Variants in ACSS3 observed in about 807,000 individuals in gnomAD.
ACSS3 encodes the protein acyl-CoA synthetase short-chain family member 3, mitochondrial.
In ACSS3, 64 loss-of-function variants were observed where a neutral mutation model predicts 84.2. The observed-to-expected ratio is 0.76, with a 90% CI of 0.62 to 0.94. The LOEUF (loss-of-function observed/expected upper bound fraction) is 0.94. Among genes scored for constraint, ACSS3 ranks in the 40% least tolerant of loss-of-function variants. The pLI is 0.00. For missense variants in ACSS3, 815 were observed against 867.6 expected, an observed-to-expected ratio of 0.94 and a Z score of 0.76; for synonymous variants, 317 against 310.1, an observed-to-expected ratio of 1.02 and a Z score of -0.23.
intron 9 of ACSS3, among the ~76,000 whole-genome samples, chr12:81,200,761 C>T (rs994928371): frequency 6.6e-5 from 10 of 151,270 alleles, no homozygotes; most frequent in African/African-American, 2.2e-4. Context: ...ATTAGCCAGG[C>T]GTGATGGAGC....
intron 7 of ACSS3, among the ~76,000 whole-genome samples, chr12:81,169,286 T>C (rs2135804822): frequency 6.6e-6 from 1 of 152,310 alleles, no homozygotes; most frequent in South Asian, 2.1e-4. Context: ...AAGTAAATTT[T>C]CAATTATTAA....
At chr12:81,102,045 G>T (rs566021503) in intron 1 of ACSS3, among the ~76,000 whole-genome samples, 180 of 149,180 alleles carry the variant, frequency 1.2e-3, no homozygotes, top group African/African-American at 4.2e-3. Context: ...TTATGCACAC[G>T]CACACACACA....
At position 81,259,422 on chromosome 12, in the gene ACSS3, G is replaced by T; in HGVS notation, c.*4500G>T. 1.5e-6 allele frequency: 1 copy of T among 659,250 alleles called. No homozygotes were observed. The highest frequency in any genetic ancestry group is 2.7e-6 in the Non-Finnish European group (1 of 365,910). 40.8% of individuals were successfully genotyped at this position (659,250 alleles called of 1,614,324 possible). A position where few individuals can be genotyped will look rare whatever the true frequency, so the allele number is the denominator to read the frequency against. ...CTGGCTTCATTTCATAAAAGCATCT[G>T]TTGTACAGAGTTTATGATGTAGATG... On this transcript the variant is annotated 3_prime_UTR_variant, in exon 16 of 16. Coordinates refer to ENST00000548058, the MANE Select transcript of ACSS3 (RefSeq NM_024560.4).
chr12:81,253,225 ATATCTG>A, intron 13 of ACSS3, 76 bp from the exon 14 acceptor site: 1 of 1,398,430 alleles, frequency 7.2e-7, no homozygotes, highest in South Asian at 1.2e-5. Context: ...TTGTATATCT[ATATCTG>A]TATCTATATC....
chr12:81,164,410 CTCA>C (rs1342929772), intron 7 of ACSS3, among the ~76,000 whole-genome samples: 7 of 152,072 alleles, frequency 4.6e-5, no homozygotes, highest in African/African-American at 1.7e-4. Flanking sequence ...AGAAAGTATT[CTCA>C]TCATCAAGCA....
intron 7 of ACSS3, among the ~76,000 whole-genome samples, chr12:81,160,988 A>T (rs1887120037): frequency 6.6e-6 from 1 of 152,256 alleles, no homozygotes; most frequent in Admixed American, 6.5e-5. Flanking sequence ...TTCCCACGAT[A>T]TAATAGTGTA....
intron 7 of ACSS3, among the ~76,000 whole-genome samples, chr12:81,159,987 C>T (rs951628172): frequency 2.0e-5 from 3 of 152,180 alleles, no homozygotes; most frequent in African/African-American, 7.2e-5. Context: ...GTGTGTTGTA[C>T]ACATATTTCA....
intron 13 of ACSS3, among the ~76,000 whole-genome samples, chr12:81,250,734 A>T (rs758975839): frequency 6.6e-6 from 1 of 152,240 alleles, no homozygotes; most frequent in Admixed American, 6.5e-5. Flanking sequence ...TCATGGCACC[A>T]ATAAACACTA....
intron 11 of ACSS3, among the ~76,000 whole-genome samples, chr12:81,226,457 T>G (rs2033274690): frequency 6.6e-6 from 1 of 151,848 alleles, no homozygotes; most frequent in African/African-American, 2.4e-5. Flanking sequence ...CTACACATAG[T>G]GAGCATATCA....
Position 81,078,360 on chromosome 12 carries a change from T to C in ACSS3, c.240T>C (p.Ala80=). The change falls in exon 1 of 16, where the codon GCT becomes GCC. Residue 80 remains alanine, a synonymous_variant. Transcript: ENST00000548058. ...ACCCCGAGAGGTTCTGGGGCAAAGCTGCCGAGCAGATCAGCTGGTACAAGC... is the reference window on the plus strand; with the variant it reads ...ACCCCGAGAGGTTCTGGGGCAAAGCCGCCGAGCAGATCAGCTGGTACAAGC... ...VTDPERFWGK[A]AEQISWYKPW... 2.5e-6 allele frequency: 4 copies of C among 1,612,276 alleles called. No homozygotes were observed. The highest frequency in any genetic ancestry group is 3.4e-6 in the Non-Finnish European group (4 of 1,179,860).
At chr12:81,177,954 C>T (rs1336711777) in intron 8 of ACSS3, among the ~76,000 whole-genome samples, 1 of 152,132 alleles carries the variant, frequency 6.6e-6, no homozygotes, top group African/African-American at 2.4e-5. Context: ...CCCAGCCATC[C>T]CATTACTGGG....
At chr12:81,199,877 C>G (rs1418924046) in intron 9 of ACSS3, 2 of 356,630 alleles carry the variant, frequency 5.6e-6, no homozygotes, top group Non-Finnish European at 1.1e-5. Flanking sequence ...ACACACTGCA[C>G]ACTGCTCCCA....
intron 2 of ACSS3, among the ~76,000 whole-genome samples, chr12:81,127,547 A>G (rs2121549685): frequency 6.6e-6 from 1 of 152,316 alleles, no homozygotes; most frequent in Admixed American, 6.5e-5. Context: ...GAAATTATAC[A>G]TATTCTCAAG....
rs199708538 is a variant in ACSS3 at position 81,151,962 on chromosome 12, C to G, written c.1002+38C>G. 9 of 1,612,236 alleles carry G rather than the reference C, an allele frequency of 5.6e-6. No homozygotes were observed. In the East Asian group the frequency reaches 1.8e-4, roughly 32 times the overall value. ...TTAAATTTACATTACATGACATTCTCTGAATAAAATATATTCATTTTATTA... is the reference window on the plus strand; with the variant it reads ...TTAAATTTACATTACATGACATTCTGTGAATAAAATATATTCATTTTATTA... On this transcript the variant is annotated intron_variant, in intron 6 of 15. Transcript: ENST00000548058.
chr12:81,208,511 A>G (rs2032445362), intron 9 of ACSS3, among the ~76,000 whole-genome samples: 1 of 152,234 alleles, frequency 6.6e-6, no homozygotes, highest in South Asian at 2.1e-4. Flanking sequence ...GATCTTGAGT[A>G]TAATTAAAAT....
chr12:81,102,084 CAT>C (rs751074351), intron 1 of ACSS3, among the ~76,000 whole-genome samples: 12 of 151,370 alleles, frequency 7.9e-5, no homozygotes, highest in African/African-American at 1.9e-4. Flanking sequence ...CTAGCACATA[CAT>C]ATATATATAC....
intron 8 of ACSS3, among the ~76,000 whole-genome samples, chr12:81,175,633 T>TA (rs904897486): frequency 2.6e-5 from 4 of 151,440 alleles, no homozygotes; most frequent in African/African-American, 4.9e-5. Flanking sequence ...CTCAACAAAT[T>TA]AAAAAAACAT....
At chr12:81,143,913 CA>C (rs1886206492) in intron 5 of ACSS3, among the ~76,000 whole-genome samples, 1 of 152,158 alleles carries the variant, frequency 6.6e-6, no homozygotes, top group African/African-American at 2.4e-5. Context: ...CTGGTATCTC[CA>C]AATAACACTG....
intron 2 of ACSS3, among the ~76,000 whole-genome samples, chr12:81,132,021 C>T (rs1027302643): frequency 6.6e-6 from 1 of 152,118 alleles, no homozygotes; most frequent in Non-Finnish European, 1.5e-5. Context: ...CTGCTGGATT[C>T]GGTTTGCCAG....
Sources: gnomAD v4.1 joint callset for allele counts (sites outside exome capture counted in the v4.1 genomes callset) on GRCh38, gnomAD v4.1.1 for gene constraint, MANE v1.5 for transcripts, NCBI Gene and HGNC (gene_info 2026-07-23, HGNC 2026-07-21) for gene names.